Variants in GALNT16 observed in about 807,000 individuals in gnomAD.
GALNT16 encodes the protein UDP-GalNAc:polypeptide N-acetylgalactosaminyltransferase-like protein 1.
A neutral mutation model predicts 76.1 loss-of-function variants in GALNT16; 40 were observed. That is an observed-to-expected ratio of 0.53 (90% CI 0.41 to 0.68). The LOEUF is 0.68. GALNT16 is among the 30% of genes least tolerant of loss of function. GALNT16 has a pLI of 0.00. For synonymous variants in GALNT16, 276 were observed against 285.2 expected, an observed-to-expected ratio of 0.97 and a Z score of 0.32; for missense variants, 621 against 731.9, an observed-to-expected ratio of 0.85 and a Z score of 1.75.
At chr14:69,350,457 A>C (rs1057140769) in intron 14 of GALNT16, 1 of 152,244 alleles carries the variant, frequency 6.6e-6, no homozygotes, top group African/African-American at 2.4e-5. Context: ...TTTGGCCTAC[A>C]TGAGGTAAAT....
chr14:69,282,328 T>G (rs115001115), intron 1 of GALNT16, among the ~76,000 whole-genome samples: 1 of 152,142 alleles, frequency 6.6e-6, no homozygotes, highest in East Asian at 1.9e-4. Context: ...TGCACTGTGC[T>G]CCTTCCACAC....
At chr14:69,336,758 C>T (rs2045420469) in intron 9 of GALNT16, among the ~76,000 whole-genome samples, 1 of 151,622 alleles carries the variant, frequency 6.6e-6, no homozygotes, top group African/African-American at 2.4e-5. Flanking sequence ...GACAGAGTCT[C>T]CCTCTGTCAC....
At chr14:69,331,638 T>G (rs888155748) in intron 7 of GALNT16, 87 bp downstream of exon 7, 8 of 789,792 alleles carry the variant, frequency 1.0e-5, no homozygotes, top group Non-Finnish European at 1.8e-5. Flanking sequence ...TGCTGCTCTT[T>G]CCAGCTGTGC....
chr14:69,298,277 G>T (rs372071456), intron 1 of GALNT16, among the ~76,000 whole-genome samples: 1 of 152,296 alleles, frequency 6.6e-6, no homozygotes, highest in Non-Finnish European at 1.5e-5. Flanking sequence ...ACCTGCATTG[G>T]CAGGATTCTG....
At chr14:69,380,098 C>CA in the GALNT16 span, 4,384 of 114,326 alleles carry the variant, frequency 0.038, 92 homozygotes, top group African/African-American at 0.086. Context: ...TGTTCAAAGA[C>CA]AAAAAAAAAA....
At chr14:69,285,444 CAT>C (rs59306401) in intron 1 of GALNT16, among the ~76,000 whole-genome samples, 75,451 of 151,102 alleles carry the variant, frequency 0.5, 19,100 homozygotes, top group African/African-American at 0.59. Flanking sequence ...TGTGTAGTGT[CAT>C]GTGTGGTTTT....
At chr14:69,367,636 G>C in the GALNT16 span, among the ~76,000 whole-genome samples, 1 of 146,372 alleles carries the variant, frequency 6.8e-6, no homozygotes, top group Non-Finnish European at 1.5e-5. Flanking sequence ...AGCAGGGGCT[G>C]TGCAAGGCAA....
chr14:69,297,343 G>A (rs1355827645), intron 1 of GALNT16, among the ~76,000 whole-genome samples: 1 of 152,080 alleles, frequency 6.6e-6, no homozygotes, highest in Non-Finnish European at 1.5e-5. Flanking sequence ...TAATAGTTCT[G>A]TTTTTTAGCT....
chr14:69,347,791 C>G, intron 13 of GALNT16, 86 bp from the exon 14 acceptor site: 5 of 1,391,626 alleles, frequency 3.6e-6, no homozygotes, highest in Non-Finnish European at 5.0e-6. Flanking sequence ...AAAAATATGC[C>G]GTGTTTTTGC....
chr14:69,329,200 T>C (rs1352444721), intron 6 of GALNT16, among the ~76,000 whole-genome samples: 2 of 151,868 alleles, frequency 1.3e-5, no homozygotes, highest in African/African-American at 4.8e-5. Flanking sequence ...TCTACAAAAG[T>C]ACAAAAAGTA....
intron 1 of GALNT16, 66 bp from the exon 2 acceptor site, chr14:69,320,645 T>G: frequency 6.6e-7 from 1 of 1,506,608 alleles, no homozygotes; most frequent in African/African-American, 1.4e-5. Context: ...TGGTGTGTGC[T>G]GAGCACTCGC....
intron 1 of GALNT16, among the ~76,000 whole-genome samples, chr14:69,267,066 AG>A (rs1343746417): frequency 3.3e-5 from 5 of 152,090 alleles, no homozygotes; most frequent in Non-Finnish European, 7.4e-5. Context: ...AATCCAACCC[AG>A]GTGTGATTTC....
At chr14:69,273,262 C>T (rs552719465) in intron 1 of GALNT16, among the ~76,000 whole-genome samples, 4 of 152,292 alleles carry the variant, frequency 2.6e-5, no homozygotes, top group East Asian at 1.9e-4. Flanking sequence ...GCAGTGGAGG[C>T]GAGAAGCCTT....
chr14:69,324,658 A>G (rs772734573), intron 2 of GALNT16, 34 bp from the exon 3 acceptor site: 6 of 1,272,724 alleles, frequency 4.7e-6, no homozygotes, highest in South Asian at 1.3e-5. Context: ...GGATGCCCTC[A>G]TGGCTGGCTC....
chr14:69,342,024 A>G (rs1238139798), intron 12 of GALNT16, among the ~76,000 whole-genome samples: 1 of 152,196 alleles, frequency 6.6e-6, no homozygotes, highest in Non-Finnish European at 1.5e-5. Flanking sequence ...ACAACACTGC[A>G]TTACATAGCA....
Position 69,333,450 on chromosome 14 carries a change from T to A in GALNT16, c.864-47T>A, listed in dbSNP as rs773079461. Reference sequence around the variant, plus strand: ...TCCTGGGGCCATCTAAAGGGCCTCCTTGCTTCTCCAGCTCACGTGTTGCGT... The same window carrying A: ...TCCTGGGGCCATCTAAAGGGCCTCCATGCTTCTCCAGCTCACGTGTTGCGT... On this transcript the variant is annotated intron_variant, in intron 8 of 14. Transcript: ENST00000448469. This position sits in a 1 kb window ranked among gnomAD's most constrained non-coding sequence, Gnocchi z 4.2. 1.4e-5 allele frequency: 17 copies of A among 1,198,352 alleles called. No homozygotes were observed. In the South Asian group the frequency reaches 2.1e-4, roughly 15 times the overall value. 74.2% of individuals were successfully genotyped at this position (1,198,352 alleles called of 1,614,324 possible).
rs1052049023 is a variant in GALNT16 at position 69,261,492 on chromosome 14, C to A, written c.177+1025C>A. On this transcript the variant is annotated intron_variant, in intron 1 of 14. Transcript: ENST00000448469. This position sits in a 1 kb window ranked among gnomAD's most constrained non-coding sequence, Gnocchi z 6.4. ...AACTACCAGGGCGGGGCAGCCTGGC[C>A]GGATGAGGACCAGGAAGAGGAGAGC... is the stretch of plus-strand genomic sequence containing the variant. 2.0e-5 allele frequency among the ~76,000 whole-genome samples: 3 copies of A among 150,510 alleles called. No homozygotes were observed. The highest frequency in any genetic ancestry group is 2.5e-5 in the African/African-American group (1 of 40,744).
At chr14:69,346,451 C>G (rs953337876) in intron 12 of GALNT16, among the ~76,000 whole-genome samples, 1 of 152,166 alleles carries the variant, frequency 6.6e-6, no homozygotes, top group African/African-American at 2.4e-5. Context: ...AGAAGCTGTG[C>G]TAATCTATGC....
intron 14 of GALNT16, chr14:69,349,563 A>G (rs1378289): frequency 0.084 from 12,833 of 152,010 alleles, 1,371 homozygotes; most frequent in African/African-American, 0.25. Context: ...TGCTGGTCCT[A>G]TTTCCAAGGC....
Sources: gnomAD v4.1 joint callset for allele counts (sites outside exome capture counted in the v4.1 genomes callset) on GRCh38, gnomAD v4.1.1 for gene constraint, Gnocchi (gnomAD v3.1) non-coding constraint, MANE v1.5 for transcripts, NCBI Gene and HGNC (gene_info 2026-07-23, HGNC 2026-07-21) for gene names.